The following LBX2 variants were observed in gnomAD, a reference collection of about 807,000 sequenced individuals.
The protein encoded by LBX2 is transcription factor LBX2.
LBX2 carries 6 observed loss-of-function variants against 7.5 expected under a neutral mutation model. That is an observed-to-expected ratio of 0.80 (90% CI 0.44 to 1.59). LBX2 has a LOEUF of 1.59. Among genes scored for constraint, LBX2 ranks in the 40% most tolerant of loss-of-function variants. The probability of loss-of-function intolerance (pLI) is 0.01; values close to 1 mark genes in which losing one functional copy is unlikely to be tolerated. For missense variants in LBX2, 281 were observed against 282.0 expected (o/e 1.00, Z 0.03); for synonymous variants, 143 against 133.2 (o/e 1.07, Z -0.51).
At chr2:74,502,424 C>T (rs1337508230), upstream of LBX2, 3 of 543,896 alleles carry the variant, frequency 5.5e-6, no homozygotes, top group African/African-American at 1.9e-5. This position sits in a 1 kb window ranked among gnomAD's most constrained non-coding sequence, Gnocchi z 5.4. Context: ...GGAGGACCCT[C>T]GGAATAACCC....
At chr2:74,498,391 T>G (rs1572972560) in intron 1 of LBX2, 73 bp from the exon 2 acceptor site, 112 of 1,280,080 alleles carry the variant, frequency 8.7e-5, no homozygotes, top group Middle Eastern at 5.7e-4. Context: ...AAGTTGGGGG[T>G]GGGGTCGGGC....
chr2:74,499,612 C>T, upstream of LBX2: 1 of 1,445,658 alleles, frequency 6.9e-7, no homozygotes, highest in Non-Finnish European at 9.3e-7. The surrounding 1 kb of genome is among the most constrained non-coding windows in gnomAD (Gnocchi z 4.6). Context: ...GTGCTCGGCT[C>T]CCAATCCGGG....
Position 74,497,875 on chromosome 2 carries a change from C to G in LBX2, c.*52G>C. ...TGGAACTCTGGCCAGAGGCAGAGCG[C>G]GAGGTGAGGAGTCCAGGGCCCCAGA... On this transcript the variant is annotated 3_prime_UTR_variant, in exon 2 of 2. Transcript: ENST00000377566. 1.2e-5 allele frequency: 18 copies of G among 1,477,532 alleles called. No homozygotes were observed. Among genetic ancestry groups the G allele is most frequent in the Non-Finnish European group, 1.6e-5 (18 of 1,113,550 alleles). The allele number at this position is 1,477,532 out of a possible 1,614,324, so 91.5% of individuals were successfully genotyped here.
Position 74,499,494 on chromosome 2 carries a change from C to T in LBX2, c.44G>A (p.Ser15Asn). Residue 15 changes from serine (S) to asparagine (N), a missense_variant, in exon 1 of 2, where the codon AGC (serine) becomes AAC (asparagine). This residue lies in a region of LBX2 where 216 missense variants were observed against 208.7 expected (regional missense o/e 1.03). Coordinates refer to ENST00000377566, the MANE Select transcript of LBX2 (RefSeq NM_001282430.2). The surrounding 1 kb of genome is among the most constrained non-coding windows in gnomAD (Gnocchi z 4.6). ...REPRTPRTLL[S>N]IADILAPRMV... ...GCGCGGGGCTAGGATGTCTGCGATGCTTAAGAGTGTCCGGGGTGTTCGGGG... is the reference window on the plus strand; with the variant it reads ...GCGCGGGGCTAGGATGTCTGCGATGTTTAAGAGTGTCCGGGGTGTTCGGGG... 1 of 1,550,354 alleles carries T rather than the reference C, an allele frequency of 6.5e-7. No homozygotes were observed. Among genetic ancestry groups the T allele is most frequent in the Middle Eastern group, 1.7e-4 (1 of 5,900 alleles).
upstream of LBX2, chr2:74,502,380 A>G: frequency 2.2e-6 from 1 of 452,122 alleles, no homozygotes; most frequent in East Asian, 3.9e-5. The surrounding 1 kb of genome is among the most constrained non-coding windows in gnomAD (Gnocchi z 5.4). Flanking sequence ...CGGCCCGGAC[A>G]TTCCACTGAA....
chr2:74,499,343 C>A lies in LBX2; in HGVS notation c.195G>T (p.Gln65His). 2 of 1,550,588 alleles carry A rather than the reference C, an allele frequency of 1.3e-6. No individual in the cohort carries two copies. Among genetic ancestry groups the A allele is most frequent in the Non-Finnish European group, 1.7e-6 (2 of 1,146,970 alleles). Residue 65 changes from glutamine to histidine, a missense_variant, in exon 1 of 2, where the codon CAG becomes CAT. Physicochemically the swap from Gln to His is conservative, Grantham distance 24. Coordinates refer to ENST00000377566, the MANE Select transcript of LBX2 (RefSeq NM_001282430.2). This position sits in a 1 kb window ranked among gnomAD's most constrained non-coding sequence, Gnocchi z 4.6. ...TFRGLDARALQPSEGRAGPDA... is the reference protein window; with the variant it reads ...TFRGLDARALHPSEGRAGPDA... ...TTGCCGGCTCTATACCTTCAGAGGG[C>A]TGCAGAGCGCGCGCGTCAAGTCCGC...
Position 74,499,184 on chromosome 2 carries a change from C to T in LBX2, c.205+149G>A. The T allele has an allele frequency of 1.4e-6, 1 of 699,126 alleles. No homozygotes were observed. Among genetic ancestry groups the T allele is most frequent in the Non-Finnish European group, 2.4e-6 (1 of 413,134 alleles). 43.3% of individuals were successfully genotyped at this position (699,126 alleles called of 1,614,324 possible). On this transcript the variant is annotated intron_variant, in intron 1 of 1. Coordinates refer to ENST00000377566, the MANE Select transcript of LBX2 (RefSeq NM_001282430.2). This position sits in a 1 kb window ranked among gnomAD's most constrained non-coding sequence, Gnocchi z 4.6. ...GACTAACGGAGGAGAGGTGAGAAGT[C>T]GCAGGTGCGAGTCCTGGCACGTGGG...
Position 74,497,555 on chromosome 2 carries a change from A to G in LBX2, c.*372T>C. On this transcript the variant is annotated 3_prime_UTR_variant, in exon 2 of 2. Transcript: ENST00000377566. ...CGACTTTATTCTCAAATATTGGGAA[A>G]GTAGCCTGGACAACATAGCGGGACC... 5.5e-6 allele frequency: 1 copy of G among 182,346 alleles called. No individual in the cohort carries two copies. Among genetic ancestry groups the G allele is most frequent in the Non-Finnish European group, 1.1e-5 (1 of 87,982 alleles). 11.3% of individuals were successfully genotyped at this position (182,346 alleles called of 1,614,324 possible). A position where few individuals can be genotyped will look rare whatever the true frequency, so the allele number is the denominator to read the frequency against.
chr2:74,502,593 A>T (rs1209179812), upstream of LBX2: 4 of 1,472,274 alleles, frequency 2.7e-6, no homozygotes, highest in African/African-American at 5.6e-5. The surrounding 1 kb of genome is among the most constrained non-coding windows in gnomAD (Gnocchi z 5.4). Context: ...CGTCCCGCAC[A>T]CTTCTGGGAT....
chr2:74,500,490 T>C (rs2104304363), upstream of LBX2, among the ~76,000 whole-genome samples: 2 of 152,240 alleles, frequency 1.3e-5, 1 homozygote, highest in South Asian at 4.1e-4. Context: ...GAGGGGTCAC[T>C]CCCCATAGAA....
chr2:74,500,986 G>T (rs1674473461), upstream of LBX2, among the ~76,000 whole-genome samples: 1 of 152,128 alleles, frequency 6.6e-6, no homozygotes, highest in African/African-American at 2.4e-5. Context: ...TATTCCCTGG[G>T]GCAACTGCTG....
upstream of LBX2, chr2:74,502,736 A>G (rs1385591628): frequency 1.7e-5 from 27 of 1,613,826 alleles, no homozygotes; most frequent in Non-Finnish European, 2.2e-5. The surrounding 1 kb of genome is among the most constrained non-coding windows in gnomAD (Gnocchi z 5.4). Flanking sequence ...CTGCGCGCCC[A>G]CCGCCACCCT....
At chr2:74,501,877 G>C (rs1299894109), upstream of LBX2, 1 of 151,928 alleles carries the variant, frequency 6.6e-6, no homozygotes, top group Non-Finnish European at 1.5e-5. Context: ...ACACTCACTC[G>C]GCTGTCCTAT....
At chr2:74,502,486 C>G (rs1674514991), upstream of LBX2, 1 of 631,934 alleles carries the variant, frequency 1.6e-6, no homozygotes, top group South Asian at 2.0e-5. The surrounding 1 kb of genome is among the most constrained non-coding windows in gnomAD (Gnocchi z 5.4). Context: ...CTCCCCTCCT[C>G]CCCACCCTTA....
chr2:74,502,814 C>A, upstream of LBX2: 1 of 1,613,744 alleles, frequency 6.2e-7, no homozygotes, highest in Non-Finnish European at 8.5e-7. The surrounding 1 kb of genome is among the most constrained non-coding windows in gnomAD (Gnocchi z 5.4). Flanking sequence ...CACTTTTCTC[C>A]CCCCAACTCC....
upstream of LBX2, chr2:74,503,060 C>CG (rs1180149123): frequency 1.9e-6 from 1 of 540,496 alleles, no homozygotes; most frequent in Non-Finnish European, 3.2e-6. The surrounding 1 kb of genome is among the most constrained non-coding windows in gnomAD (Gnocchi z 5.1). Flanking sequence ...CGAGTGCGTC[C>CG]GGGGGTGCAG....
Position 74,499,192 on chromosome 2 carries a change from C to G in LBX2, c.205+141G>C. The G allele has an allele frequency of 1.3e-6, 1 of 745,426 alleles. No homozygotes were observed. Among genetic ancestry groups the G allele is most frequent in the Non-Finnish European group, 2.2e-6 (1 of 452,268 alleles). 46.2% of individuals were successfully genotyped at this position (745,426 alleles called of 1,614,324 possible). ...GAGGAGAGGTGAGAAGTCGCAGGTG[C>G]GAGTCCTGGCACGTGGGCTGAGGAC... On this transcript the variant is annotated intron_variant, in intron 1 of 1. Coordinates refer to ENST00000377566, the MANE Select transcript of LBX2 (RefSeq NM_001282430.2). The surrounding 1 kb of genome is among the most constrained non-coding windows in gnomAD (Gnocchi z 4.6).
chr2:74,503,095 G>T, upstream of LBX2: 1 of 476,104 alleles, frequency 2.1e-6, no homozygotes, highest in Non-Finnish European at 3.7e-6. The surrounding 1 kb of genome is among the most constrained non-coding windows in gnomAD (Gnocchi z 5.1). Flanking sequence ...TGGTCCTGCC[G>T]CCACCTCTCC....
intron 1 of LBX2, chr2:74,498,996 C>T (rs1674425487): frequency 2.8e-6 from 1 of 362,954 alleles, no homozygotes. Flanking sequence ...CAGGCTCACT[C>T]GTTTACCGCC....
Sources: gnomAD v4.1 joint callset for allele counts (sites outside exome capture counted in the v4.1 genomes callset) on GRCh38, gnomAD v4.1.1 for gene constraint, gnomAD v4.1.1 regional missense constraint, Gnocchi (gnomAD v3.1) non-coding constraint, MANE v1.5 for transcripts, NCBI Gene and HGNC (gene_info 2026-07-23, HGNC 2026-07-21) for gene names.